NPIPB2: variants seen among roughly 807,000 people sequenced by gnomAD.
The protein encoded by NPIPB2 is nuclear pore complex-interacting protein family member B2.
Under a neutral mutation model 30.8 loss-of-function variants are expected in NPIPB2, and 27 were observed. That is an observed-to-expected ratio of 0.88 (90% CI 0.65 to 1.21). NPIPB2 has a LOEUF of 1.21. Ranked by LOEUF, NPIPB2 falls within the 50% of genes most tolerant of loss-of-function variation. NPIPB2 has a pLI of 0.00. For missense variants in NPIPB2, 440 were observed against 446.2 expected, an observed-to-expected ratio of 0.99 and a Z score of 0.13; for synonymous variants, 147 against 162.0, an observed-to-expected ratio of 0.91 and a Z score of 0.70.
chr16:11,934,772 C>T (rs1468183834), intron 2 of NPIPB2, among the ~76,000 whole-genome samples: 3 of 141,824 alleles, frequency 2.1e-5, no homozygotes, highest in African/African-American at 7.8e-5. Context: ...GGCAGGAGAA[C>T]TGCTTGAACC....
At chr16:11,942,018 G>A (rs1051942231) in exon 1 of NPIPB2, 1 of 1,337,930 alleles carries the variant, frequency 7.5e-7, no homozygotes, top group African/African-American at 1.5e-5. Flanking sequence ...CCTCCGCTCA[G>A]CCATTCATAT....
intron 1 of NPIPB2, chr16:11,964,996 T>G: frequency 2.6e-6 from 1 of 386,222 alleles, no homozygotes; most frequent in Non-Finnish European, 4.7e-6. Context: ...GCTGTGGGCT[T>G]GTCTGCATCT....
chr16:11,953,259 C>T (rs74886349), intron 1 of NPIPB2, among the ~76,000 whole-genome samples: 1 of 152,074 alleles, frequency 6.6e-6, no homozygotes, highest in East Asian at 1.9e-4. Flanking sequence ...GATTCTCCTG[C>T]CTCAGCCTCA....
upstream of NPIPB2, among the ~76,000 whole-genome samples, chr16:11,946,612 A>G (rs935543437): frequency 6.6e-5 from 10 of 152,036 alleles, no homozygotes; most frequent in Non-Finnish European, 1.5e-4. Context: ...CTTCATATCC[A>G]CTAGGATGAC....
Position 11,972,468 on chromosome 16 carries a change from T to C in NPIPB2, c.-584+4100A>G, listed in dbSNP as rs548293913. ...CATGTGCCTGTAATCCCAGCTACTT[T>C]GGAGTGTGAGGCACAAGAATCACCT... On this transcript the variant is annotated intron_variant, in intron 1 of 5. Coordinates refer to the NPIPB2 transcript ENST00000538896. 1.0e-4 allele frequency among the ~76,000 whole-genome samples: 15 copies of C among 149,242 alleles called. No homozygotes were observed. In the South Asian group the frequency reaches 3.0e-3, roughly 30 times the overall value.
intron 1 of NPIPB2, among the ~76,000 whole-genome samples, chr16:11,966,865 C>G (rs1162676096): frequency 6.6e-6 from 1 of 152,098 alleles, no homozygotes; most frequent in African/African-American, 2.4e-5. Flanking sequence ...GAACCAGTCC[C>G]AGAAAAATGA....
intron 1 of NPIPB2, among the ~76,000 whole-genome samples, chr16:11,961,868 T>A (rs1345734951): frequency 6.6e-6 from 1 of 151,422 alleles, no homozygotes; most frequent in African/African-American, 2.4e-5. Context: ...AGGGTCTGAA[T>A]AGACAGACAT....
At chr16:11,961,267 A>G (rs2055150851) in intron 1 of NPIPB2, among the ~76,000 whole-genome samples, 2 of 152,106 alleles carry the variant, frequency 1.3e-5, no homozygotes, top group South Asian at 4.1e-4. Flanking sequence ...GAGGGAGTGG[A>G]GCCTCCTGGG....
intron 1 of NPIPB2, among the ~76,000 whole-genome samples, chr16:11,973,013 A>G (rs146085160): frequency 9.2e-5 from 14 of 152,002 alleles, no homozygotes; most frequent in Middle Eastern, 3.4e-3. Context: ...GTATAAAATT[A>G]GCCGGGCGCG....
At chr16:11,961,326 T>C (rs1038419611) in intron 1 of NPIPB2, among the ~76,000 whole-genome samples, 2 of 152,122 alleles carry the variant, frequency 1.3e-5, no homozygotes, top group African/African-American at 2.4e-5. Flanking sequence ...CTCTCCCACT[T>C]ACCTCACCAC....
At chr16:11,972,769 CAGG>C (rs1187319708) in intron 1 of NPIPB2, among the ~76,000 whole-genome samples, 3 of 151,320 alleles carry the variant, frequency 2.0e-5, no homozygotes, top group African/African-American at 7.3e-5. Context: ...GAGGCTGAGG[CAGG>C]AGAATTGCTT....
intron 2 of NPIPB2, among the ~76,000 whole-genome samples, chr16:11,936,000 G>A (rs1303641506): frequency 1.4e-5 from 2 of 143,056 alleles, no homozygotes; most frequent in African/African-American, 5.2e-5. Context: ...TTGTTAAAAA[G>A]TGGTAAATTT....
chr16:11,942,607 T>A (rs2054955008), upstream of NPIPB2, among the ~76,000 whole-genome samples: 2 of 152,240 alleles, frequency 1.3e-5, no homozygotes, highest in Non-Finnish European at 2.9e-5. Flanking sequence ...CCTTCATGAA[T>A]GGCCTCTCAG....
At chr16:11,934,101 G>A (rs1274281094) in intron 2 of NPIPB2, among the ~76,000 whole-genome samples, 177 bp from the exon 3 acceptor site, 1 of 151,726 alleles carries the variant, frequency 6.6e-6, no homozygotes, top group Non-Finnish European at 1.5e-5. Context: ...CATGGCAGCG[G>A]GCGCCTGTAA....
At chr16:11,950,787 A>G (rs747129962) in intron 1 of NPIPB2, among the ~76,000 whole-genome samples, 4 of 152,136 alleles carry the variant, frequency 2.6e-5, no homozygotes, top group East Asian at 1.9e-4. Context: ...CACTGGGAAC[A>G]TAACAGAGAA....
At chr16:11,945,461 G>A (rs899885424), upstream of NPIPB2, among the ~76,000 whole-genome samples, 12 of 152,098 alleles carry the variant, frequency 7.9e-5, no homozygotes, top group African/African-American at 2.9e-4. Context: ...ATCACTTGAG[G>A]CCAGGAATTT....
At chr16:11,935,277 A>C (rs2054849808) in intron 2 of NPIPB2, among the ~76,000 whole-genome samples, 1 of 152,100 alleles carries the variant, frequency 6.6e-6, no homozygotes, top group Non-Finnish European at 1.5e-5. Flanking sequence ...CCCATCTCAG[A>C]TGTGGGTCAG....
At chr16:11,970,445 T>A (rs909617729) in intron 1 of NPIPB2, among the ~76,000 whole-genome samples, 9 of 152,106 alleles carry the variant, frequency 5.9e-5, no homozygotes, top group Non-Finnish European at 8.8e-5. Context: ...ACTCCTGACC[T>A]CAGGTGATCC....
At chr16:11,942,327 A>AT (rs1273940310), upstream of NPIPB2, among the ~76,000 whole-genome samples, 1 of 148,886 alleles carries the variant, frequency 6.7e-6, no homozygotes, top group Non-Finnish European at 1.5e-5. Context: ...AAGTGCCCTT[A>AT]TAAGACATAA....
Sources: gnomAD v4.1 joint callset for allele counts (sites outside exome capture counted in the v4.1 genomes callset) on GRCh38, gnomAD v4.1.1 for gene constraint, MANE v1.5 for transcripts, NCBI Gene and HGNC (gene_info 2026-07-23, HGNC 2026-07-21) for gene names.